Variants in PRKN observed in about 807,000 individuals in gnomAD.
PRKN encodes E3 ubiquitin-protein ligase parkin.
Under a neutral mutation model 59.5 loss-of-function variants are expected in PRKN, and 56 were observed. That is an observed-to-expected ratio of 0.94 (90% CI 0.76 to 1.18). The LOEUF is 1.18. PRKN is among the 50% of genes most tolerant of loss of function. The pLI is 0.00. For synonymous variants in PRKN, 250 were observed against 222.1 expected (o/e 1.13, Z -1.12); for missense variants, 657 against 596.4 (o/e 1.10, Z -1.06).
intron 9 of PRKN, among the ~76,000 whole-genome samples, chr6:161,424,549 G>A (rs1298451617): frequency 2.6e-5 from 4 of 152,072 alleles, no homozygotes; most frequent in African/African-American, 9.7e-5. Flanking sequence ...CCTAGAACAT[G>A]ACCACTGAGT....
At chr6:162,462,823 G>A (rs1791236074) in intron 1 of PRKN, among the ~76,000 whole-genome samples, 1 of 152,194 alleles carries the variant, frequency 6.6e-6, no homozygotes, top group African/African-American at 2.4e-5. Context: ...GCTAGGTGCA[G>A]TGGCTCACGT....
intron 1 of PRKN, among the ~76,000 whole-genome samples, chr6:162,721,681 C>A (rs1486182028): frequency 6.6e-6 from 1 of 152,160 alleles, no homozygotes. Context: ...ATTATGATAC[C>A]CACCTTTCAG....
chr6:162,339,625 C>G lies in PRKN; in HGVS notation c.172-76860G>C, dbSNP rs555371571. On this transcript the variant is annotated intron_variant, in intron 2 of 11. Transcript: ENST00000366898. ...GAGCCCCTCTGCCTGGCCACCACCC[C>G]GTCTGGGAGGTGTACCCAACAGCTC... Among the ~76,000 whole-genome samples, 55 of 152,086 alleles carry G rather than the reference C, an allele frequency of 3.6e-4. No individual in the cohort carries two copies. The South Asian group carries it at 0.011, about 31-fold the overall frequency.
intron 6 of PRKN, among the ~76,000 whole-genome samples, chr6:161,948,953 C>T (rs1779882560): frequency 6.6e-6 from 1 of 152,158 alleles, no homozygotes; most frequent in African/African-American, 2.4e-5. Context: ...CCCAGAATTT[C>T]CACAAAAGCA....
chr6:162,035,146 G>A (rs997467959), intron 5 of PRKN, among the ~76,000 whole-genome samples: 2 of 135,606 alleles, frequency 1.5e-5, no homozygotes, highest in African/African-American at 6.2e-5. Context: ...GAGAGGAAAG[G>A]GGCCCAGGCC....
chr6:161,788,300 G>A (rs1790504008), intron 6 of PRKN, among the ~76,000 whole-genome samples: 1 of 152,176 alleles, frequency 6.6e-6, no homozygotes, highest in South Asian at 2.1e-4. Context: ...CGGCCATGGT[G>A]TGAAATCAAC....
chr6:161,714,438 A>ATGG (rs1786884258), intron 7 of PRKN, among the ~76,000 whole-genome samples: 2 of 152,194 alleles, frequency 1.3e-5, no homozygotes, highest in Non-Finnish European at 2.9e-5. Flanking sequence ...ATGTGAAGAC[A>ATGG]CAGCAAGGAG....
At chr6:161,851,714 G>A (rs1440042158) in intron 6 of PRKN, among the ~76,000 whole-genome samples, 1 of 150,944 alleles carries the variant, frequency 6.6e-6, no homozygotes, top group Admixed American at 6.6e-5. Context: ...TCGAACTCCT[G>A]ACCTCAGGTG....
At chr6:162,533,254 T>G (rs1453506913) in intron 1 of PRKN, among the ~76,000 whole-genome samples, 2 of 152,238 alleles carry the variant, frequency 1.3e-5, no homozygotes, top group Non-Finnish European at 2.9e-5. Flanking sequence ...CTGGGCGCGG[T>G]GGCTCACGCC....
intron 4 of PRKN, among the ~76,000 whole-genome samples, chr6:162,139,985 AACTTAATGTC>A (rs1315447938): frequency 6.6e-6 from 1 of 152,204 alleles, no homozygotes; most frequent in Non-Finnish European, 1.5e-5. Flanking sequence ...TATTTTTGGA[AACTTAATGTC>A]ACCAATGACT....
intron 6 of PRKN, among the ~76,000 whole-genome samples, chr6:161,864,255 G>T (rs1006647280): frequency 6.6e-6 from 1 of 152,140 alleles, no homozygotes; most frequent in African/African-American, 2.4e-5. Flanking sequence ...TCAACTAAGT[G>T]TATGTAATAT....
At chr6:161,567,583 G>A (rs556175902) in intron 8 of PRKN, among the ~76,000 whole-genome samples, 95 of 152,178 alleles carry the variant, frequency 6.2e-4, no homozygotes, top group South Asian at 4.1e-3. Context: ...GTGTGTTTGC[G>A]CGTGTGTTTG....
intron 4 of PRKN, among the ~76,000 whole-genome samples, chr6:162,082,336 TC>T (rs1779090928): frequency 6.6e-6 from 1 of 152,054 alleles, no homozygotes; most frequent in Non-Finnish European, 1.5e-5. Flanking sequence ...GTAAGTGCAT[TC>T]AACCTCTTTC....
intron 1 of PRKN, among the ~76,000 whole-genome samples, chr6:162,638,722 A>G (rs1339811877): frequency 6.9e-6 from 1 of 145,074 alleles, no homozygotes; most frequent in African/African-American, 2.5e-5. Flanking sequence ...TAGGATCTCT[A>G]TGACTGCTAA....
rs1415068093 is a variant in PRKN at position 161,348,058 on chromosome 6, T to A, written c.*2041A>T. ...CCTGAGCTCATGGGAGCAAACCTTG[T>A]TCAGGCACCGCAAGCCCAACGCAGC... On this transcript the variant is annotated 3_prime_UTR_variant, in exon 12 of 12. Coordinates refer to ENST00000366898, the MANE Select transcript of PRKN (RefSeq NM_004562.3). The surrounding 1 kb of genome is among the most constrained non-coding windows in gnomAD (Gnocchi z 4.9). The A allele has an allele frequency of 5.4e-6, 1 of 184,790 alleles. No individual in the cohort carries two copies. The highest frequency in any genetic ancestry group is 1.1e-5 in the Non-Finnish European group (1 of 87,424). 11.4% of individuals were successfully genotyped at this position (184,790 alleles called of 1,614,324 possible).
At chr6:161,452,686 C>T (rs561855556) in intron 9 of PRKN, among the ~76,000 whole-genome samples, 1 of 152,148 alleles carries the variant, frequency 6.6e-6, no homozygotes, top group Admixed American at 6.5e-5. Context: ...TGGGATTGTC[C>T]TCTCAATTTG....
At chr6:162,046,327 T>C (rs1227463932) in intron 5 of PRKN, among the ~76,000 whole-genome samples, 1 of 152,242 alleles carries the variant, frequency 6.6e-6, no homozygotes, top group African/African-American at 2.4e-5. Flanking sequence ...GTAATATGCA[T>C]GATTTTGTTC....
At position 161,473,557 on chromosome 6, in the gene PRKN, G is replaced by C. The variant is rs924922369; in HGVS notation, c.1083+75297C>G. On this transcript the variant is annotated intron_variant, in intron 9 of 11. Coordinates refer to ENST00000366898, the MANE Select transcript of PRKN (RefSeq NM_004562.3). The surrounding 1 kb of genome is among the most constrained non-coding windows in gnomAD (Gnocchi z 4.1). Reference sequence around the variant, plus strand: ...AAATATATAGAGACAGAATAAAATGGTGGTTACCGGAAGTGGTGGGGGGAA... The same window carrying C: ...AAATATATAGAGACAGAATAAAATGCTGGTTACCGGAAGTGGTGGGGGGAA... 5.9e-5 allele frequency among the ~76,000 whole-genome samples: 9 copies of C among 151,868 alleles called. No individual in the cohort carries two copies. The highest frequency in any genetic ancestry group is 2.2e-4 in the African/African-American group (9 of 41,362).
intron 5 of PRKN, among the ~76,000 whole-genome samples, chr6:162,050,789 C>T (rs1462543057): frequency 1.3e-5 from 2 of 152,096 alleles, no homozygotes; most frequent in Non-Finnish European, 2.9e-5. Context: ...CCTTTGAACT[C>T]GAGCCCTCGC....
Sources: allele counts gnomAD v4.1 joint callset (sites outside exome capture counted in the v4.1 genomes callset), GRCh38; gene constraint gnomAD v4.1.1; non-coding constraint Gnocchi (gnomAD v3.1); transcripts MANE v1.5; gene names NCBI Gene and HGNC (gene_info 2026-07-23, HGNC 2026-07-21).